Variants in FBLIM1 observed in about 807,000 individuals in gnomAD.
FBLIM1 encodes filamin-binding LIM protein 1.
In FBLIM1, 29 loss-of-function variants were observed where a neutral mutation model predicts 37.4. That is an observed-to-expected ratio of 0.77 (90% CI 0.58 to 1.06). The LOEUF (loss-of-function observed/expected upper bound fraction) is 1.06. Among genes scored for constraint, FBLIM1 ranks in the 50% least tolerant of loss-of-function variants. The probability of loss-of-function intolerance (pLI) is 0.00; values close to 1 mark genes in which losing one functional copy is unlikely to be tolerated. For missense variants in FBLIM1, 449 were observed against 505.6 expected, an observed-to-expected ratio of 0.89 and a Z score of 1.07; for synonymous variants, 193 against 199.0, an observed-to-expected ratio of 0.97 and a Z score of 0.25.
rs199559929 is a variant in FBLIM1, at chr1:15,774,957, G to T, written c.890+161G>T. On this transcript the variant is annotated intron_variant, in intron 7 of 8. Transcript: ENST00000375766. The stretch of plus-strand genomic sequence containing the variant: ...GGCTGGGCTGGGCGCGGTGGCTCAC[G>T]CCTGTAATCCCAGCACTTTGGGAGG... 1,268 of 1,473,834 alleles carry T rather than the reference G, an allele frequency of 8.6e-4. 20 individuals are homozygous for T. Among genetic ancestry groups the T allele is most frequent in the Non-Finnish European group, 1.6e-4 (178 of 1,093,360 alleles). 91.3% of individuals were successfully genotyped at this position (1,473,834 alleles called of 1,614,324 possible).
intron 1 of FBLIM1, among the ~76,000 whole-genome samples, chr1:15,763,492 C>T (rs1167729274): frequency 1.3e-5 from 2 of 150,400 alleles, no homozygotes; most frequent in African/African-American, 2.4e-5. Flanking sequence ...CAAAATTAGC[C>T]GGGCGTGGTG....
At chr1:15,759,839 G>A (rs1285331611) in intron 1 of FBLIM1, among the ~76,000 whole-genome samples, 1 of 152,194 alleles carries the variant, frequency 6.6e-6, no homozygotes, top group Non-Finnish European at 1.5e-5. Flanking sequence ...CCTCCCCTAA[G>A]TTGCAGGGTG....
Position 15,764,655 on chromosome 1 carries a change from G to T in FBLIM1, c.-51G>T. 1 of 301,114 alleles carries T rather than the reference G, an allele frequency of 3.3e-6. No homozygotes were observed. The highest frequency in any genetic ancestry group is 6.1e-6 in the Non-Finnish European group (1 of 163,364). The allele number at this position is 301,114 out of a possible 1,614,324, so 18.7% of individuals were successfully genotyped here. A position where few individuals can be genotyped will look rare whatever the true frequency, so the allele number is the denominator to read the frequency against. On this transcript the variant is annotated 5_prime_UTR_variant, in exon 2 of 9. Transcript: ENST00000375766. ...GAGCTGAAGCATCTGTTCCTTCCTC[G>T]CGGGTGTGAGACAAGGAAGAGTGAT... is the stretch of plus-strand genomic sequence containing the variant.
chr1:15,768,474 C>A, intron 4 of FBLIM1, 54 bp from the exon 5 acceptor site: 3 of 1,262,506 alleles, frequency 2.4e-6, no homozygotes, highest in East Asian at 2.7e-5. Flanking sequence ...AGGAACAGAG[C>A]TGGGAGGGCT....
chr1:15,759,662 T>C (rs1293532952), intron 1 of FBLIM1, among the ~76,000 whole-genome samples: 1 of 152,088 alleles, frequency 6.6e-6, no homozygotes, highest in African/African-American at 2.4e-5. Context: ...TTATATATCC[T>C]CTCAGCCGCC....
intron 1 of FBLIM1, among the ~76,000 whole-genome samples, chr1:15,760,580 G>GT (rs1008124551): frequency 2.0e-5 from 3 of 149,610 alleles, no homozygotes; most frequent in Non-Finnish European, 4.4e-5. Context: ...GGCCCCAGAG[G>GT]TTTTTTTGTT....
intron 4 of FBLIM1, 42 bp from the exon 5 acceptor site, chr1:15,768,486 C>A: frequency 7.4e-7 from 1 of 1,359,240 alleles, no homozygotes; most frequent in Non-Finnish European, 9.9e-7. Context: ...GGGAGGGCTG[C>A]ATGGGGTCCC....
At chr1:15,776,999 A>T in intron 7 of FBLIM1, 171 bp from the exon 8 acceptor site, 2 of 622,442 alleles carry the variant, frequency 3.2e-6, no homozygotes, top group Non-Finnish European at 5.8e-6. Context: ...CTCATTACAC[A>T]GGTCTCTCCA....
At chr1:15,781,130 A>G (rs2069623857) in intron 8 of FBLIM1, among the ~76,000 whole-genome samples, 1 of 151,994 alleles carries the variant, frequency 6.6e-6, no homozygotes, top group African/African-American at 2.4e-5. Context: ...GCACTTTGGG[A>G]GGCTGAGGCA....
chr1:15,771,165 CCT>C lies in FBLIM1; in HGVS notation c.711+588_711+589del, dbSNP rs552720432. ...ATCTTGGCCAGGCTGGTCTTGAACT[CCT>C]GACCTCGTGAGCCACCCACCTCGAC... On this transcript the variant is annotated intron_variant, in intron 6 of 8. Coordinates refer to ENST00000375766, the MANE Select transcript of FBLIM1 (RefSeq NM_017556.4). Among the ~76,000 whole-genome samples, 306 of 151,926 alleles carry C rather than the reference CCT, an allele frequency of 2.0e-3. 1 individual carries two copies. The highest frequency in any genetic ancestry group is 3.0e-3 in the Non-Finnish European group (205 of 67,982).
At chr1:15,784,367 T>C (rs2069723221) in intron 8 of FBLIM1, among the ~76,000 whole-genome samples, 181 bp from the exon 9 acceptor site, 2 of 152,200 alleles carry the variant, frequency 1.3e-5, no homozygotes, top group African/African-American at 2.4e-5. Context: ...GTGTCTCATC[T>C]TCCCTTATGG....
chr1:15,778,641 T>G (rs1369202891), intron 8 of FBLIM1, among the ~76,000 whole-genome samples: 1 of 38,196 alleles, frequency 2.6e-5, no homozygotes, highest in African/African-American at 1.1e-4. Flanking sequence ...GGAAGCTTCT[T>G]TTTCTTTTTT....
upstream of FBLIM1, chr1:15,758,688 C>G (rs1034768407): frequency 6.6e-6 from 1 of 151,884 alleles, no homozygotes; most frequent in Non-Finnish European, 1.5e-5. This position sits in a 1 kb window ranked among gnomAD's most constrained non-coding sequence, Gnocchi z 6.2. Context: ...GCCCCCTCCC[C>G]CCGAGCCTCA....
At chr1:15,771,490 ACC>A (rs1335376265) in intron 6 of FBLIM1, among the ~76,000 whole-genome samples, 3 of 148,462 alleles carry the variant, frequency 2.0e-5, no homozygotes, top group Non-Finnish European at 4.5e-5. Context: ...CAAGGAATCC[ACC>A]CCCTCGGCCT....
chr1:15,775,033 A>G (rs748962658), intron 7 of FBLIM1: 4 of 790,410 alleles, frequency 5.1e-6, no homozygotes. Context: ...CCTGGCTAAC[A>G]TGGTGAAACC....
At chr1:15,774,058 C>G (rs1294519398) in intron 6 of FBLIM1, among the ~76,000 whole-genome samples, 1 of 152,126 alleles carries the variant, frequency 6.6e-6, no homozygotes, top group East Asian at 1.9e-4. Flanking sequence ...TCACTTGAAC[C>G]TCAAGTAGAG....
intron 5 of FBLIM1, among the ~76,000 whole-genome samples, chr1:15,769,095 C>A (rs188380818): frequency 6.6e-6 from 1 of 152,190 alleles, no homozygotes. Flanking sequence ...CTCCCTCCCC[C>A]CATTTTTCCA....
upstream of FBLIM1, among the ~76,000 whole-genome samples, chr1:15,756,959 G>A (rs931625388): frequency 6.6e-6 from 1 of 152,212 alleles, no homozygotes; most frequent in Non-Finnish European, 1.5e-5. Context: ...GGGTCACTAA[G>A]CATTTGCAAA....
chr1:15,765,298 C>CTT lies in FBLIM1; in HGVS notation c.250+66_250+67insTT. ...GCAGAGGTGGGGAGGAAAGGGCAGG[C>CTT]TCCAGCGTCATTCATTCATTCATTA... is the stretch of plus-strand genomic sequence containing the variant. On this transcript the variant is annotated intron_variant, in intron 3 of 8. Coordinates refer to ENST00000375766, the MANE Select transcript of FBLIM1 (RefSeq NM_017556.4). This position sits in a 1 kb window ranked among gnomAD's most constrained non-coding sequence, Gnocchi z 5.9. 6.6e-7 allele frequency: 1 copy of CTT among 1,522,594 alleles called. No homozygotes were observed. Among genetic ancestry groups the CTT allele is most frequent in the Non-Finnish European group, 8.8e-7 (1 of 1,133,292 alleles). 94.3% of individuals were successfully genotyped at this position (1,522,594 alleles called of 1,614,324 possible).
Sources: allele counts gnomAD v4.1 joint callset (sites outside exome capture counted in the v4.1 genomes callset), GRCh38; gene constraint gnomAD v4.1.1; non-coding constraint Gnocchi (gnomAD v3.1); transcripts MANE v1.5; gene names NCBI Gene and HGNC (gene_info 2026-07-23, HGNC 2026-07-21).